Variants in SEC61A2 observed in about 807,000 individuals in gnomAD.
SEC61A2 encodes SEC61 translocon subunit alpha 2, also known as protein transport protein Sec61 subunit alpha isoform 2.
A neutral mutation model predicts 59.9 loss-of-function variants in SEC61A2; 28 were observed. The ratio of observed to expected loss-of-function variants is 0.47; its 90% CI spans 0.35 to 0.64. SEC61A2 has a LOEUF of 0.64. SEC61A2 is among the 30% of genes least tolerant of loss of function. The probability of loss-of-function intolerance (pLI) is 0.01; values close to 1 mark genes in which losing one functional copy is unlikely to be tolerated. For missense variants in SEC61A2, 340 were observed against 585.9 expected (o/e 0.58, Z 4.33); for synonymous variants, 202 against 214.4 (o/e 0.94, Z 0.50).
intron 1 of SEC61A2, among the ~76,000 whole-genome samples, chr10:12,132,401 G>A (rs1007974912): frequency 1.3e-5 from 2 of 151,972 alleles, no homozygotes; most frequent in African/African-American, 2.4e-5. Context: ...ATCGCTTGAC[G>A]TTAGGAGTTT....
At position 12,145,048 on chromosome 10, in the gene SEC61A2, C is replaced by CAAAAAA. The variant is rs1224046099; in HGVS notation, c.220+1858_220+1863dup. ...GGGGCGACACAACCAGACCCTGTCTCAAAAAAAAAAGGAACATTGAGGAGG... is the reference window on the plus strand; with the variant it reads ...GGGGCGACACAACCAGACCCTGTCTCAAAAAAAAAAAAAAAAGGAACATTGAGGAGG... On this transcript the variant is annotated intron_variant, in intron 4 of 11. Coordinates refer to ENST00000298428, the MANE Select transcript of SEC61A2 (RefSeq NM_018144.4). This position sits in a 1 kb window ranked among gnomAD's most constrained non-coding sequence, Gnocchi z 4.4. Among the ~76,000 whole-genome samples the CAAAAAA allele has an allele frequency of 7.0e-6, 1 of 142,768 alleles. No homozygotes were observed. 93.7% of individuals were successfully genotyped at this position (142,768 alleles called of 152,430 possible).
chr10:12,139,419 G>A (rs1234698784), intron 3 of SEC61A2, among the ~76,000 whole-genome samples: 1 of 151,622 alleles, frequency 6.6e-6, no homozygotes. Context: ...GGAGGCTGAG[G>A]CGGGTGAATC....
chr10:12,142,658 G>A lies in SEC61A2; in HGVS notation c.142-459G>A. On this transcript the variant is annotated intron_variant, in intron 3 of 11. Transcript: ENST00000298428. This position sits in a 1 kb window ranked among gnomAD's most constrained non-coding sequence, Gnocchi z 5.4. The stretch of plus-strand genomic sequence containing the variant: ...CATCTTCATCATTTTTAGATGTGCA[G>A]TTTAGTAACATTAGGAATGTTCACA... The A allele has an allele frequency of 3.8e-6, 1 of 259,858 alleles. No individual in the cohort carries two copies. Among genetic ancestry groups the A allele is most frequent in the Non-Finnish European group, 6.0e-6 (1 of 166,554 alleles). The allele number at this position is 259,858 out of a possible 1,614,324, so 16.1% of individuals were successfully genotyped here.
At chr10:12,135,987 C>A in intron 2 of SEC61A2, 118 bp from the exon 3 acceptor site, 2 of 718,130 alleles carry the variant, frequency 2.8e-6, no homozygotes, top group Non-Finnish European at 2.5e-6. Flanking sequence ...TAACACATAA[C>A]GGACATTCCC....
chr10:12,160,496 A>G lies in SEC61A2; in HGVS notation c.976-434A>G, dbSNP rs1303143132. ...GAAACCACATAAAGTCTAGGCAGCA[A>G]GTTAAAGTCTTATGTCAGTATTTTA... On this transcript the variant is annotated intron_variant, in intron 9 of 11. Coordinates refer to ENST00000298428, the MANE Select transcript of SEC61A2 (RefSeq NM_018144.4). The surrounding 1 kb of genome is among the most constrained non-coding windows in gnomAD (Gnocchi z 4.1). 6.6e-6 allele frequency among the ~76,000 whole-genome samples: 1 copy of G among 152,216 alleles called. No individual in the cohort carries two copies. The highest frequency in any genetic ancestry group is 1.9e-4 in the East Asian group (1 of 5,204).
rs1834342387 is a variant in SEC61A2 at position 12,154,012 on chromosome 10, A to T, written c.463-1766A>T. On this transcript the variant is annotated intron_variant, in intron 6 of 11. Coordinates refer to ENST00000298428, the MANE Select transcript of SEC61A2 (RefSeq NM_018144.4). This position sits in a 1 kb window ranked among gnomAD's most constrained non-coding sequence, Gnocchi z 5.2. ...AAGGTAAGTATGTTTTGACATACTG[A>T]ACAAAAGATAGTTTGACAAAACTAA... 6.6e-6 allele frequency among the ~76,000 whole-genome samples: 1 copy of T among 152,232 alleles called. No individual in the cohort carries two copies. The highest frequency in any genetic ancestry group is 1.5e-5 in the Non-Finnish European group (1 of 68,040).
chr10:12,147,796 A>C (rs968368210), intron 4 of SEC61A2, among the ~76,000 whole-genome samples: 1 of 152,052 alleles, frequency 6.6e-6, no homozygotes, highest in Non-Finnish European at 1.5e-5. Flanking sequence ...TTTTTTGCCA[A>C]GGTCCATTTT....
downstream of SEC61A2, chr10:12,169,389 C>T (rs1191079184): frequency 3.6e-6 from 4 of 1,108,524 alleles, no homozygotes; most frequent in Non-Finnish European, 5.2e-6. This position sits in a 1 kb window ranked among gnomAD's most constrained non-coding sequence, Gnocchi z 4.8. Context: ...CGCACCTCCT[C>T]AGAGGGAGGG....
At chr10:12,130,881 A>C (rs1051300192) in intron 1 of SEC61A2, 1 of 152,264 alleles carries the variant, frequency 6.6e-6, no homozygotes, top group African/African-American at 2.4e-5. Context: ...TCTGTCAAAC[A>C]TCAGTGACTG....
chr10:12,131,359 A>G (rs576137615), intron 1 of SEC61A2, among the ~76,000 whole-genome samples: 5 of 152,248 alleles, frequency 3.3e-5, no homozygotes, highest in African/African-American at 1.2e-4. Context: ...CCTAACTAAT[A>G]CCTAGCTGCG....
downstream of SEC61A2, chr10:12,166,149 G>C (rs2131689313): frequency 6.6e-6 from 1 of 152,430 alleles, no homozygotes; most frequent in East Asian, 1.9e-4. Context: ...AAGAAGGAGA[G>C]GATAAGCTTA....
At chr10:12,141,705 C>T (rs954454477) in intron 3 of SEC61A2, among the ~76,000 whole-genome samples, 6 of 152,124 alleles carry the variant, frequency 3.9e-5, no homozygotes, top group East Asian at 3.9e-4. Context: ...TATACACTTT[C>T]GTACTTCGTT....
chr10:12,130,347 TG>T (rs576280698), intron 1 of SEC61A2, among the ~76,000 whole-genome samples: 1 of 152,294 alleles, frequency 6.6e-6, no homozygotes, highest in South Asian at 2.1e-4. Flanking sequence ...GTTATAGGAA[TG>T]TTTTTCAGGG....
chr10:12,139,648 G>A (rs901133314), intron 3 of SEC61A2, among the ~76,000 whole-genome samples: 1 of 152,172 alleles, frequency 6.6e-6, no homozygotes, highest in African/African-American at 2.4e-5. Context: ...GGCGGGCGTG[G>A]TGGCGGGCGC....
chr10:12,158,290 G>A lies in SEC61A2; in HGVS notation c.975+185G>A. The A allele has an allele frequency of 1.8e-6, 1 of 568,454 alleles. No homozygotes were observed. Among genetic ancestry groups the A allele is most frequent in the East Asian group, 3.1e-5 (1 of 32,486 alleles). The allele number at this position is 568,454 out of a possible 1,614,324, so 35.2% of individuals were successfully genotyped here. On this transcript the variant is annotated intron_variant, in intron 9 of 11. Transcript: ENST00000298428. This position sits in a 1 kb window ranked among gnomAD's most constrained non-coding sequence, Gnocchi z 5.7. ...GTGTTGCAGAAGTAAGATTGCCCAA[G>A]CGCTTTTTATTATTTTGCTCTCTAG...
At chr10:12,134,015 A>G (rs570480024) in intron 2 of SEC61A2, among the ~76,000 whole-genome samples, 2 of 152,268 alleles carry the variant, frequency 1.3e-5, no homozygotes, top group African/African-American at 4.8e-5. Context: ...TTATTTATTT[A>G]TTTATTTTTG....
Position 12,133,238 on chromosome 10 carries a change from C to A in SEC61A2, c.8-3C>A. ...GGAACATTTATTATTTTTCTTTTTA[C>A]AGTCAAATTTTTAGAAGTTATCAAA... On this transcript the variant is annotated splice_region_variant and splice_polypyrimidine_tract_variant and intron_variant, in intron 1 of 11. Coordinates refer to ENST00000298428, the MANE Select transcript of SEC61A2 (RefSeq NM_018144.4). The A allele has an allele frequency of 7.0e-7, 1 of 1,430,634 alleles. No homozygotes were observed. The highest frequency in any genetic ancestry group is 9.7e-7 in the Non-Finnish European group (1 of 1,026,930). The allele number at this position is 1,430,634 out of a possible 1,614,324, so 88.6% of individuals were successfully genotyped here. A position where few individuals can be genotyped will look rare whatever the true frequency, so the allele number is the denominator to read the frequency against.
chr10:12,136,922 G>A (rs1833902870), intron 3 of SEC61A2, among the ~76,000 whole-genome samples: 4 of 151,758 alleles, frequency 2.6e-5, no homozygotes, highest in Non-Finnish European at 5.9e-5. Context: ...GAGCCACCAC[G>A]CCCAGCTGAA....
Position 12,161,260 on chromosome 10 carries a change from G to A in SEC61A2, c.1167+139G>A, listed in dbSNP as rs1242771313. On this transcript the variant is annotated intron_variant, in intron 10 of 11. Coordinates refer to ENST00000298428, the MANE Select transcript of SEC61A2 (RefSeq NM_018144.4). This position sits in a 1 kb window ranked among gnomAD's most constrained non-coding sequence, Gnocchi z 5.4. ...TTGAGACCAGCCTGGGCAACATAGC[G>A]AGACCCCGTCATGACTAAAAAAATA... 1.5e-5 allele frequency: 9 copies of A among 620,044 alleles called. No homozygotes were observed. Among genetic ancestry groups the A allele is most frequent in the African/African-American group, 5.7e-5 (3 of 52,804 alleles). 38.4% of individuals were successfully genotyped at this position (620,044 alleles called of 1,614,324 possible).
Sources: gnomAD v4.1 joint callset for allele counts (sites outside exome capture counted in the v4.1 genomes callset) on GRCh38, gnomAD v4.1.1 for gene constraint, Gnocchi (gnomAD v3.1) non-coding constraint, MANE v1.5 for transcripts, NCBI Gene and HGNC (gene_info 2026-07-23, HGNC 2026-07-21) for gene names.